The following CYP39A1 variants were observed in gnomAD, a reference collection of about 807,000 sequenced individuals.
CYP39A1 encodes the protein cytochrome P450 family 39 subfamily A member 1.
In CYP39A1, 49 loss-of-function variants were observed where a neutral mutation model predicts 58.1. The observed-to-expected ratio is 0.84, with a 90% CI of 0.67 to 1.07. The LOEUF (loss-of-function observed/expected upper bound fraction) is 1.07, where lower values mean the gene tolerates loss of function less well. Ranked by LOEUF, CYP39A1 falls within the 50% of genes least tolerant of loss-of-function variation. The pLI, the probability that CYP39A1 is intolerant of heterozygous loss-of-function variation, is 0.00. For synonymous variants in CYP39A1, 209 were observed against 187.6 expected (o/e 1.11, Z -0.93); for missense variants, 531 against 539.4 (o/e 0.98, Z 0.16).
chr6:46,549,748 G>C lies in CYP39A1; in HGVS notation c.*618C>G, dbSNP rs1770293264. The stretch of plus-strand genomic sequence containing the variant: ...TTATTGAATATACTCTGTAAAGAAG[G>C]TGCAATCCTGAGCATAATAAAGTGT... On this transcript the variant is annotated 3_prime_UTR_variant, in exon 12 of 12. Transcript: ENST00000275016. The C allele has an allele frequency of 6.6e-6, 1 of 152,070 alleles. No homozygotes were observed. Among genetic ancestry groups the C allele is most frequent in the African/African-American group, 2.4e-5 (1 of 41,402 alleles). The allele number at this position is 152,070 out of a possible 1,614,324, so 9.4% of individuals were successfully genotyped here. A position where few individuals can be genotyped will look rare whatever the true frequency, so the allele number is the denominator to read the frequency against.
intron 10 of CYP39A1, among the ~76,000 whole-genome samples, chr6:46,558,165 CA>C (rs2150480452): frequency 6.6e-6 from 1 of 152,010 alleles, no homozygotes; most frequent in South Asian, 2.1e-4. Flanking sequence ...AAATAATAAG[CA>C]GTCAAGGTAT....
chr6:46,578,578 T>A (rs1317716677), intron 10 of CYP39A1, among the ~76,000 whole-genome samples: 1 of 151,356 alleles, frequency 6.6e-6, no homozygotes, highest in Non-Finnish European at 1.5e-5. Context: ...AAGATCCAAA[T>A]AAACACAATC....
intron 7 of CYP39A1, among the ~76,000 whole-genome samples, chr6:46,621,584 TA>T (rs1453051479): frequency 6.6e-6 from 1 of 152,072 alleles, no homozygotes; most frequent in Non-Finnish European, 1.5e-5. Flanking sequence ...GACATAGTCC[TA>T]AAAAGACATA....
rs1770499631 is a variant in CYP39A1, at chr6:46,553,143, A to AAAT, written c.1338+621_1338+623dup. ...CCCTCCCCTGTTCCTACTGGATCAG[A>AAAT]AATTCTAGCGATAAATAGCACCTTT... On this transcript the variant is annotated intron_variant, in intron 11 of 11. Coordinates refer to ENST00000275016, the MANE Select transcript of CYP39A1 (RefSeq NM_016593.5). 2.6e-5 allele frequency among the ~76,000 whole-genome samples: 4 copies of AAAT among 152,088 alleles called. No individual in the cohort carries two copies. In the South Asian group the frequency reaches 8.3e-4, roughly 32 times the overall value.
intron 7 of CYP39A1, among the ~76,000 whole-genome samples, chr6:46,618,491 A>T (rs1006015311): frequency 6.6e-6 from 1 of 152,168 alleles, no homozygotes; most frequent in African/African-American, 2.4e-5. Flanking sequence ...TCTTTATCAG[A>T]TCATCAATGA....
Position 46,636,457 on chromosome 6 carries a change from A to G in CYP39A1, c.664T>C (p.Phe222Leu). The G allele has an allele frequency of 6.2e-7, 1 of 1,608,558 alleles. No individual in the cohort carries two copies. The highest frequency in any genetic ancestry group is 1.1e-5 in the South Asian group (1 of 89,064). ...ATGTTTTTCTCAAACAGTTCCAGGA[A>G]CCACTTTTTGGATTTTGACCAGTTT... Reference protein sequence around the residue: ...LRNWSKSKKWFLELFEKNIPD... With the variant: ...LRNWSKSKKWLLELFEKNIPD... Residue 222 changes from phenylalanine to leucine, a missense_variant, in exon 5 of 12, where the codon TTC (phenylalanine) becomes CTC (leucine). Transcript: ENST00000275016.
At chr6:46,648,459 C>G (rs1762464422) in intron 1 of CYP39A1, among the ~76,000 whole-genome samples, 1 of 131,736 alleles carries the variant, frequency 7.6e-6, no homozygotes, top group Non-Finnish European at 1.5e-5. Context: ...GGGAATTGAA[C>G]AATGAGAACA....
intron 7 of CYP39A1, among the ~76,000 whole-genome samples, chr6:46,607,241 A>C (rs78832493): frequency 0.013 from 1,993 of 152,304 alleles, 21 homozygotes; most frequent in Non-Finnish European, 0.022. Flanking sequence ...GTTTCATATA[A>C]GAGAATTCAA....
rs141832062 is a variant in CYP39A1, at chr6:46,596,216, C to T, written c.932-96G>A. The T allele has an allele frequency of 2.2e-4, 196 of 877,428 alleles. No individual in the cohort carries two copies. The African/African-American group carries it at 3.2e-3, about 14-fold the overall frequency. The allele number at this position is 877,428 out of a possible 1,614,324, so 54.4% of individuals were successfully genotyped here. The stretch of plus-strand genomic sequence containing the variant: ...AGCAGAGGTTAGATGTTGCCTCTGA[C>T]AGCAAGTAAAGTGTTCCTATTACTA... On this transcript the variant is annotated intron_variant, in intron 7 of 11. Transcript: ENST00000275016.
chr6:46,550,532 T>C, intron 11 of CYP39A1, 95 bp from the exon 12 acceptor site: 1 of 1,142,384 alleles, frequency 8.8e-7, no homozygotes. Flanking sequence ...CTCTAAAAAG[T>C]ACAAAATTTA....
Position 46,560,055 on chromosome 6 carries a change from A to G in CYP39A1, c.1251-6201T>C, listed in dbSNP as rs545166305. 7.9e-5 allele frequency among the ~76,000 whole-genome samples: 12 copies of G among 152,340 alleles called. No homozygotes were observed. In the South Asian group the frequency reaches 2.5e-3, roughly 32 times the overall value. Reference sequence around the variant, plus strand: ...GGAGGTGTGGGCTAAAATATTTTAGAGAAGGAAGGTCTCTCTGATGAGGTG... The same window carrying G: ...GGAGGTGTGGGCTAAAATATTTTAGGGAAGGAAGGTCTCTCTGATGAGGTG... On this transcript the variant is annotated intron_variant, in intron 10 of 11. Transcript: ENST00000275016.
chr6:46,611,426 G>A (rs1421964595), intron 7 of CYP39A1, among the ~76,000 whole-genome samples: 1 of 152,166 alleles, frequency 6.6e-6, no homozygotes, highest in Non-Finnish European at 1.5e-5. Flanking sequence ...GGAAGATAAG[G>A]AGAATTGACA....
rs369360004 is a variant in CYP39A1, at chr6:46,647,128, C to T, written c.178-4830G>A. ...AAGGAGATGATTCTTGAAAGTTTAT[C>T]GATTTCAGGTTTTTCTTTTCTAATA... On this transcript the variant is annotated intron_variant, in intron 1 of 11. Coordinates refer to ENST00000275016, the MANE Select transcript of CYP39A1 (RefSeq NM_016593.5). Among the ~76,000 whole-genome samples the T allele has an allele frequency of 4.6e-5, 7 of 151,584 alleles. No individual in the cohort carries two copies. In the East Asian group the frequency reaches 7.7e-4, roughly 17 times the overall value.
chr6:46,632,073 A>G (rs945552449), intron 5 of CYP39A1, among the ~76,000 whole-genome samples: 14 of 152,234 alleles, frequency 9.2e-5, no homozygotes, highest in Non-Finnish European at 1.3e-4. Flanking sequence ...ACTCCTCACT[A>G]TAACTCCAAG....
intron 10 of CYP39A1, among the ~76,000 whole-genome samples, chr6:46,564,087 GTT>G (rs148402829): frequency 8.5e-5 from 12 of 141,986 alleles, no homozygotes; most frequent in African/African-American, 2.1e-4. Context: ...GACCTAGTTT[GTT>G]TTTTATTTTG....
At chr6:46,554,808 C>G (rs1217672725) in intron 10 of CYP39A1, among the ~76,000 whole-genome samples, 2 of 152,074 alleles carry the variant, frequency 1.3e-5, no homozygotes, top group African/African-American at 4.8e-5. Flanking sequence ...GGCACCAAGT[C>G]CTTTTTTTAT....
intron 5 of CYP39A1, among the ~76,000 whole-genome samples, chr6:46,635,186 T>C (rs1259985485): frequency 6.6e-6 from 1 of 152,246 alleles, no homozygotes; most frequent in African/African-American, 2.4e-5. Context: ...CATCTTTAAA[T>C]ATAAAAATGT....
chr6:46,596,722 G>C (rs1773186254), intron 7 of CYP39A1, among the ~76,000 whole-genome samples: 1 of 151,810 alleles, frequency 6.6e-6, no homozygotes, highest in Non-Finnish European at 1.5e-5. Context: ...TCTTTAGACT[G>C]AAAGCACCTG....
intron 10 of CYP39A1, among the ~76,000 whole-genome samples, chr6:46,563,186 C>G (rs541770731): frequency 2.7e-4 from 41 of 151,170 alleles, no homozygotes; most frequent in African/African-American, 9.2e-4. Flanking sequence ...GTGTAAAATA[C>G]CAGAAACTGA....
Sources: gnomAD v4.1 joint callset for allele counts (sites outside exome capture counted in the v4.1 genomes callset) on GRCh38, gnomAD v4.1.1 for gene constraint, MANE v1.5 for transcripts, NCBI Gene and HGNC (gene_info 2026-07-23, HGNC 2026-07-21) for gene names.